BCKDHB: variants seen among roughly 807,000 people sequenced by gnomAD.
BCKDHB encodes the protein branched chain keto acid dehydrogenase E1 subunit beta.
In BCKDHB, 41 loss-of-function variants were observed where a neutral mutation model predicts 48.5. That is an observed-to-expected ratio of 0.85 (90% CI 0.66 to 1.10). The LOEUF (loss-of-function observed/expected upper bound fraction) is 1.10, where lower values mean the gene tolerates loss of function less well. Among genes scored for constraint, BCKDHB ranks in the 50% least tolerant of loss-of-function variants. The pLI, the probability that BCKDHB is intolerant of heterozygous loss-of-function variation, is 0.00. For synonymous variants in BCKDHB, 201 were observed against 174.8 expected (o/e 1.15, Z -1.18); for missense variants, 496 against 494.2 (o/e 1.00, Z -0.03).
chr6:80,392,862 CTTT>C, the BCKDHB span, among the ~76,000 whole-genome samples: 26 of 102,048 alleles, frequency 2.5e-4, no homozygotes, highest in East Asian at 5.5e-4. Context: ...ACCTTTTTAA[CTTT>C]TTTTTTTTTT....
At chr6:80,281,921 G>C (rs1241072391) in intron 9 of BCKDHB, among the ~76,000 whole-genome samples, 1 of 152,012 alleles carries the variant, frequency 6.6e-6, no homozygotes, top group Non-Finnish European at 1.5e-5. Context: ...CTTATATTGG[G>C]ATGGGCAAGA....
At chr6:80,135,265 T>C (rs1035638006) in intron 3 of BCKDHB, among the ~76,000 whole-genome samples, 3 of 152,058 alleles carry the variant, frequency 2.0e-5, no homozygotes, top group African/African-American at 7.2e-5. Context: ...GAGATGGGGG[T>C]TTGGTTTCTG....
At chr6:80,201,475 T>C (rs1424374700) in intron 7 of BCKDHB, among the ~76,000 whole-genome samples, 1 of 152,188 alleles carries the variant, frequency 6.6e-6, no homozygotes, top group Non-Finnish European at 1.5e-5. Flanking sequence ...TTAAAATGTA[T>C]ATGCATGTGG....
At chr6:80,301,709 C>T (rs1232094846) in intron 9 of BCKDHB, among the ~76,000 whole-genome samples, 4 of 152,010 alleles carry the variant, frequency 2.6e-5, no homozygotes, top group Admixed American at 1.3e-4. Flanking sequence ...AACAAAAGAA[C>T]ACTTCAAGCC....
intron 6 of BCKDHB, among the ~76,000 whole-genome samples, chr6:80,179,924 GC>G (rs1474268684): frequency 1.3e-5 from 2 of 152,160 alleles, no homozygotes; most frequent in East Asian, 3.9e-4. Flanking sequence ...AGGTCGTTTG[GC>G]CCCTGTGCAG....
intron 3 of BCKDHB, among the ~76,000 whole-genome samples, chr6:80,148,270 A>G (rs1029310836): frequency 2.0e-5 from 3 of 152,144 alleles, no homozygotes; most frequent in Non-Finnish European, 2.9e-5. Context: ...TGGTCCTGAC[A>G]TTTTTAAGAA....
rs142065033 is a variant in BCKDHB at position 80,131,800 on chromosome 6, G to A, written c.343+2571G>A. Among the ~76,000 whole-genome samples, 35 of 151,904 alleles carry A rather than the reference G, an allele frequency of 2.3e-4. No individual in the cohort carries two copies. In the East Asian group the frequency reaches 6.8e-3, roughly 29 times the overall value. ...TGGGACTACAGCCGCATACCACCATGCCCTGCTAATTTTTGTATTTTTAGT... is the reference window on the plus strand; with the variant it reads ...TGGGACTACAGCCGCATACCACCATACCCTGCTAATTTTTGTATTTTTAGT... On this transcript the variant is annotated intron_variant, in intron 3 of 9. Transcript: ENST00000320393.
intron 8 of BCKDHB, among the ~76,000 whole-genome samples, chr6:80,264,629 G>C (rs1211714929): frequency 6.6e-6 from 1 of 152,104 alleles, no homozygotes; most frequent in Non-Finnish European, 1.5e-5. Context: ...GAGGATGTGT[G>C]ACATTGATGA....
intron 1 of BCKDHB, 122 bp downstream of exon 1, chr6:80,107,011 C>T: frequency 1.6e-6 from 2 of 1,247,446 alleles, no homozygotes; most frequent in Non-Finnish European, 2.3e-6. Context: ...AACTTCCTGA[C>T]TCTCTGGAAC....
chr6:80,188,472 AC>A (rs1773748445), intron 6 of BCKDHB, among the ~76,000 whole-genome samples: 1 of 152,050 alleles, frequency 6.6e-6, no homozygotes, highest in South Asian at 2.1e-4. Flanking sequence ...CCCCGTCTCT[AC>A]AAAAAAAATA....
At chr6:80,361,699 A>G in the BCKDHB span, among the ~76,000 whole-genome samples, 4 of 152,230 alleles carry the variant, frequency 2.6e-5, no homozygotes, top group African/African-American at 7.2e-5. Flanking sequence ...TGACACTGGT[A>G]GCTAACAAAG....
At chr6:80,230,629 T>C in intron 8 of BCKDHB, among the ~76,000 whole-genome samples, 1 of 152,214 alleles carries the variant, frequency 6.6e-6, no homozygotes, top group East Asian at 1.9e-4. Flanking sequence ...TGTGTTGCTG[T>C]AGCAGAATGC....
rs540300370 is a variant in BCKDHB at position 80,126,995 on chromosome 6, T to C, written c.197-552T>C. 5.3e-5 allele frequency among the ~76,000 whole-genome samples: 8 copies of C among 152,306 alleles called. No individual in the cohort carries two copies. The South Asian group carries it at 1.2e-3, about 24-fold the overall frequency. On this transcript the variant is annotated intron_variant, in intron 1 of 9. Transcript: ENST00000320393. ...GGGAATGGACACTGGCTCACAGATA[T>C]TCTATTTAAGTAATAAGACAATAAG...
At chr6:80,193,303 A>G (rs1194145877) in intron 6 of BCKDHB, among the ~76,000 whole-genome samples, 1 of 151,636 alleles carries the variant, frequency 6.6e-6, no homozygotes, top group African/African-American at 2.4e-5. Context: ...ATAACAGGTG[A>G]TTTTTTTTTA....
intron 8 of BCKDHB, among the ~76,000 whole-genome samples, chr6:80,256,554 C>G (rs1013343707): frequency 3.9e-5 from 6 of 152,324 alleles, no homozygotes; most frequent in Admixed American, 3.9e-4. Context: ...TGTATATACA[C>G]ACACATATAT....
At chr6:80,254,746 A>G (rs1470216421) in intron 8 of BCKDHB, among the ~76,000 whole-genome samples, 1 of 152,134 alleles carries the variant, frequency 6.6e-6, no homozygotes, top group Middle Eastern at 3.2e-3. Context: ...CTACAAGACA[A>G]AGAAGGCTAA....
the BCKDHB span, among the ~76,000 whole-genome samples, chr6:80,371,657 G>C: frequency 6.6e-6 from 1 of 152,032 alleles, no homozygotes; most frequent in Non-Finnish European, 1.5e-5. Context: ...GTTGATTTTT[G>C]TATAAGATGA....
intron 9 of BCKDHB, among the ~76,000 whole-genome samples, chr6:80,333,175 G>A (rs931956803): frequency 2.6e-5 from 4 of 152,032 alleles, no homozygotes; most frequent in African/African-American, 4.8e-5. Context: ...AGACTTTTAC[G>A]AAAACTTAAA....
At chr6:80,349,927 GAAA>G (rs1770347869), downstream of BCKDHB, among the ~76,000 whole-genome samples, 1 of 152,038 alleles carries the variant, frequency 6.6e-6, no homozygotes, top group Non-Finnish European at 1.5e-5. Flanking sequence ...AGAATCAATA[GAAA>G]TATGTTTTAA....
Sources: allele counts gnomAD v4.1 joint callset (sites outside exome capture counted in the v4.1 genomes callset), GRCh38; gene constraint gnomAD v4.1.1; transcripts MANE v1.5; gene names NCBI Gene and HGNC (gene_info 2026-07-23, HGNC 2026-07-21).